Variants in HP1BP3 observed in about 807,000 individuals in gnomAD.
HP1BP3 encodes the protein heterochromatin protein 1-binding protein 3.
HP1BP3 carries 12 observed loss-of-function variants against 62.5 expected under a neutral mutation model. That is an observed-to-expected ratio of 0.19 (90% CI 0.12 to 0.31). The LOEUF is 0.31. Among genes scored for constraint, HP1BP3 ranks in the 10% least tolerant of loss-of-function variants. The pLI, the probability that HP1BP3 is intolerant of heterozygous loss-of-function variation, is 1.00. For missense variants in HP1BP3, 502 were observed against 651.8 expected (o/e 0.77, Z 2.50); for synonymous variants, 260 against 237.8 (o/e 1.09, Z -0.86).
chr1:20,765,710 C>T (rs1229825528), intron 7 of HP1BP3, among the ~76,000 whole-genome samples, 179 bp from the exon 8 acceptor site: 1 of 152,028 alleles, frequency 6.6e-6, no homozygotes, highest in Admixed American at 6.6e-5. Flanking sequence ...GTGGCTCACA[C>T]CTGTAATCCC....
chr1:20,772,367 C>T (rs1191650832), intron 5 of HP1BP3, among the ~76,000 whole-genome samples: 1 of 152,038 alleles, frequency 6.6e-6, no homozygotes, highest in East Asian at 1.9e-4. Flanking sequence ...AGTTTCAGCC[C>T]TTTTTCCATC....
Position 20,744,066 on chromosome 1 carries a change from AAAC to A in HP1BP3, c.*728_*730del, listed in dbSNP as rs1029017068. On this transcript the variant is annotated 3_prime_UTR_variant, in exon 13 of 13. Coordinates refer to ENST00000438032, the MANE Select transcript of HP1BP3 (RefSeq NM_001372052.1). ...GGCACCTGAGCAAGACTCCGTCTCA[AAAC>A]AACGACGACAACAACAACAACAACA... 2 of 152,368 alleles carry A rather than the reference AAAC, an allele frequency of 1.3e-5. No homozygotes were observed. The highest frequency in any genetic ancestry group is 2.1e-4 in the South Asian group (1 of 4,828). The allele number at this position is 152,368 out of a possible 1,614,324, so 9.4% of individuals were successfully genotyped here.
intron 7 of HP1BP3, among the ~76,000 whole-genome samples, chr1:20,765,975 A>C (rs990744072): frequency 5.3e-5 from 8 of 151,378 alleles, no homozygotes; most frequent in Admixed American, 2.6e-4. Flanking sequence ...AAAAAAAAAA[A>C]AAAACAAAAA....
chr1:20,784,289 A>AC (rs1328339821), intron 1 of HP1BP3, among the ~76,000 whole-genome samples: 1 of 151,876 alleles, frequency 6.6e-6, no homozygotes, highest in East Asian at 1.9e-4. Flanking sequence ...TATTAACTAA[A>AC]CTTTTTACTA....
intron 8 of HP1BP3, among the ~76,000 whole-genome samples, chr1:20,758,256 G>C (rs1478114330): frequency 6.6e-6 from 1 of 152,198 alleles, no homozygotes; most frequent in East Asian, 1.9e-4. Context: ...AGACTAGTAA[G>C]AATAACATTA....
chr1:20,785,275 G>C lies in HP1BP3; in HGVS notation c.-101+1920C>G, dbSNP rs142831288. Among the ~76,000 whole-genome samples, 39 of 152,296 alleles carry C rather than the reference G, an allele frequency of 2.6e-4. 1 individual carries two copies. The highest frequency in any genetic ancestry group is 9.4e-4 in the African/African-American group (39 of 41,566). On this transcript the variant is annotated intron_variant, in intron 1 of 12. Transcript: ENST00000438032. ...TAGAAATAAAAAGCCCCAAATTTCA[G>C]TTTTAATTTATTTCCTCTACATTAA...
chr1:20,784,991 G>A (rs943038647), intron 1 of HP1BP3, among the ~76,000 whole-genome samples: 5 of 151,900 alleles, frequency 3.3e-5, no homozygotes, highest in Non-Finnish European at 7.4e-5. Context: ...CATGACCAGG[G>A]ATCACTGTAG....
chr1:20,773,763 T>C (rs1329435462), intron 4 of HP1BP3, 153 bp from the exon 5 acceptor site: 2 of 475,168 alleles, frequency 4.2e-6, no homozygotes, highest in Non-Finnish European at 7.1e-6. Flanking sequence ...TTTTACAAAA[T>C]AAATCTTCTT....
At chr1:20,771,722 T>C (rs2057069238) in intron 5 of HP1BP3, among the ~76,000 whole-genome samples, 1 of 152,194 alleles carries the variant, frequency 6.6e-6, no homozygotes, top group African/African-American at 2.4e-5. Flanking sequence ...AGCAAATACT[T>C]AATTTTTTTC....
At position 20,779,838 on chromosome 1, in the gene HP1BP3, A is replaced by T. The variant is rs773723294; in HGVS notation, c.170T>A (p.Leu57His). The T allele has an allele frequency of 6.2e-7, 1 of 1,613,174 alleles. No homozygotes were observed. The change falls in exon 3 of 13, where the codon CTT (leucine) becomes CAT (histidine). Residue 57 changes from leucine (L) to histidine (H), a missense_variant. Physicochemically the swap from Leu to His is moderately conservative, Grantham distance 99. Coordinates refer to ENST00000438032, the MANE Select transcript of HP1BP3 (RefSeq NM_001372052.1). ...STRETPPKSK[L>H]AEGEEEKPEP... The stretch of plus-strand genomic sequence containing the variant: ...TGGCTTTTCTTCCTCCCCTTCAGCA[A>T]GCTTGCTTTTGGGAGGAGTTTCCCG...
intron 3 of HP1BP3, 100 bp downstream of exon 3, chr1:20,779,712 A>G: frequency 1.3e-5 from 3 of 227,136 alleles, no homozygotes; most frequent in East Asian, 1.2e-4. Context: ...CTTAGCCATG[A>G]AAAAAAAAAA....
chr1:20,771,201 C>T (rs916097689), intron 5 of HP1BP3, 128 bp from the exon 6 acceptor site: 1 of 677,416 alleles, frequency 1.5e-6, no homozygotes. Flanking sequence ...GAATGAACTT[C>T]AGAAGACTTC....
At chr1:20,776,881 G>GAA (rs2154541294) in intron 3 of HP1BP3, 131 bp from the exon 4 acceptor site, 1 of 700,602 alleles carries the variant, frequency 1.4e-6, no homozygotes, top group Non-Finnish European at 2.2e-6. Context: ...AAATGAAAAT[G>GAA]AATGACCACT....
chr1:20,776,094 A>G, intron 4 of HP1BP3: 1 of 1,150,680 alleles, frequency 8.7e-7, no homozygotes, highest in Non-Finnish European at 1.2e-6. Flanking sequence ...TTTTACTTTC[A>G]GATTCTCAAA....
At chr1:20,774,514 T>C (rs1017553995) in intron 4 of HP1BP3, 1 of 152,156 alleles carries the variant, frequency 6.6e-6, no homozygotes, top group African/African-American at 2.4e-5. Flanking sequence ...TGTGTAACAA[T>C]ATTTGGTCAA....
rs961287182 is a variant in HP1BP3 at position 20,751,297 on chromosome 1, AT to A, written c.982-1416del. Among the ~76,000 whole-genome samples, 473 of 144,720 alleles carry A rather than the reference AT, an allele frequency of 3.3e-3. 1 individual carries two copies. The highest frequency in any genetic ancestry group is 4.4e-3 in the Non-Finnish European group (289 of 65,450). The allele number at this position is 144,720 out of a possible 152,430, so 94.9% of individuals were successfully genotyped here. Reference sequence around the variant, plus strand: ...TTCTGGGAATCTAAAGTTTTTTATGATTTTTTTTTTTTACTGCACGGGGGAT... The same window carrying A: ...TTCTGGGAATCTAAAGTTTTTTATGATTTTTTTTTTTACTGCACGGGGGAT... On this transcript the variant is annotated intron_variant, in intron 9 of 12. Transcript: ENST00000438032.
chr1:20,784,022 T>A (rs1346409050), intron 1 of HP1BP3, among the ~76,000 whole-genome samples: 1 of 152,180 alleles, frequency 6.6e-6, no homozygotes, highest in Non-Finnish European at 1.5e-5. Context: ...ACTCTGATGC[T>A]CAGGTTGTAG....
chr1:20,775,676 T>G (rs1391544588), intron 4 of HP1BP3: 1 of 257,318 alleles, frequency 3.9e-6, no homozygotes, highest in Non-Finnish European at 7.2e-6. Context: ...ATCTTTTATA[T>G]TATATTTTTA....
intron 3 of HP1BP3, among the ~76,000 whole-genome samples, chr1:20,777,393 GAACT>G (rs2057350589): frequency 6.6e-6 from 1 of 152,042 alleles, no homozygotes; most frequent in Non-Finnish European, 1.5e-5. Flanking sequence ...TAAATTATGT[GAACT>G]AATTATTGCA....
Sources: allele counts gnomAD v4.1 joint callset (sites outside exome capture counted in the v4.1 genomes callset), GRCh38; gene constraint gnomAD v4.1.1; transcripts MANE v1.5; gene names NCBI Gene and HGNC (gene_info 2026-07-23, HGNC 2026-07-21).